The following ITPR3 variants were observed in gnomAD, a reference collection of about 807,000 sequenced individuals.
ITPR3 encodes the protein inositol 1,4,5-trisphosphate-gated calcium channel ITPR3.
Under a neutral mutation model 293.2 loss-of-function variants are expected in ITPR3, and 173 were observed. That is an observed-to-expected ratio of 0.59 (90% CI 0.52 to 0.67). The LOEUF (loss-of-function observed/expected upper bound fraction) is 0.67, where lower values mean the gene tolerates loss of function less well. Among genes scored for constraint, ITPR3 ranks in the 30% least tolerant of loss-of-function variants. ITPR3 has a pLI of 0.00. For missense variants in ITPR3, 2,796 were observed against 3,592.1 expected (o/e 0.78, Z 5.66); for synonymous variants, 1,295 against 1,444.4 (o/e 0.90, Z 2.35).
At chr6:33,671,112 C>T in intron 20 of ITPR3, 53 bp from the exon 21 acceptor site, 4 of 1,604,852 alleles carry the variant, frequency 2.5e-6, no homozygotes, top group Non-Finnish European at 1.7e-6. Flanking sequence ...CACGAAGCCC[C>T]GCCCCTACGC....
At chr6:33,659,670 C>A in intron 7 of ITPR3, 121 bp downstream of exon 7, 1 of 772,018 alleles carries the variant, frequency 1.3e-6, no homozygotes, top group Non-Finnish European at 2.2e-6. Context: ...GCTTTGCACC[C>A]CCCAGCCTCC....
At chr6:33,623,504 T>C (rs1384108275) in intron 1 of ITPR3, among the ~76,000 whole-genome samples, 1 of 151,890 alleles carries the variant, frequency 6.6e-6, no homozygotes, top group African/African-American at 2.4e-5. Context: ...TTTTGTATTT[T>C]TTTTGTAGAG....
rs1165058680 is a variant in ITPR3 at position 33,667,250 on chromosome 6, G to A, written c.1673G>A (p.Arg558His). 9 of 1,613,374 alleles carry A rather than the reference G, an allele frequency of 5.6e-6. No homozygotes were observed. Among genetic ancestry groups the A allele is most frequent in the Non-Finnish European group, 6.8e-6 (8 of 1,179,954 alleles). ...CAGCACATGTTCCGCCTGTGCTACCGCGTGTTGCGGCATTCCCAGGAGGAC... is the reference window on the plus strand; with the variant it reads ...CAGCACATGTTCCGCCTGTGCTACCACGTGTTGCGGCATTCCCAGGAGGAC... ...PYQHMFRLCYRVLRHSQEDYR... is the reference protein window; with the variant it reads ...PYQHMFRLCYHVLRHSQEDYR... The change falls in exon 15 of 58, where the codon CGC becomes CAC. Residue 558 changes from arginine (R) to histidine (H), a missense_variant. Coordinates refer to ENST00000605930, the MANE Select transcript of ITPR3 (RefSeq NM_002224.4). This position sits in a 1 kb window ranked among gnomAD's most constrained non-coding sequence, Gnocchi z 4.4.
In ITPR3 at chr6:33,655,117, A is replaced by C. The variant is rs1310091702; in HGVS notation, c.161-649A>C. On this transcript the variant is annotated intron_variant, in intron 2 of 57. Transcript: ENST00000605930. This position sits in a 1 kb window ranked among gnomAD's most constrained non-coding sequence, Gnocchi z 4.9. ...CTAGAAGCAGAGCCTAAGATGGGTGAATTCTTGAGGAAGTTCTCAGGAGAA... is the reference window on the plus strand; with the variant it reads ...CTAGAAGCAGAGCCTAAGATGGGTGCATTCTTGAGGAAGTTCTCAGGAGAA... 6.6e-6 allele frequency among the ~76,000 whole-genome samples: 1 copy of C among 152,230 alleles called. No individual in the cohort carries two copies. Among genetic ancestry groups the C allele is most frequent in the Non-Finnish European group, 1.5e-5 (1 of 68,036 alleles).
At position 33,687,951 on chromosome 6, in the gene ITPR3, G is replaced by A. The variant is rs2281917; in HGVS notation, c.6265-106G>A. Reference sequence around the variant, plus strand: ...CTGCTCTGGCTTGGCGGGGACACTCGCTGAAGTGTAGTTCAGAGCTAGGCG... The same window carrying A: ...CTGCTCTGGCTTGGCGGGGACACTCACTGAAGTGTAGTTCAGAGCTAGGCG... On this transcript the variant is annotated intron_variant, in intron 46 of 57. Coordinates refer to ENST00000605930, the MANE Select transcript of ITPR3 (RefSeq NM_002224.4). This position sits in a 1 kb window ranked among gnomAD's most constrained non-coding sequence, Gnocchi z 5.3. 5.8e-6 allele frequency: 5 copies of A among 866,760 alleles called. No individual in the cohort carries two copies. The highest frequency in any genetic ancestry group is 8.9e-6 in the Non-Finnish European group (5 of 558,694). 53.7% of individuals were successfully genotyped at this position (866,760 alleles called of 1,614,324 possible). A position where few individuals can be genotyped will look rare whatever the true frequency, so the allele number is the denominator to read the frequency against.
In ITPR3 at chr6:33,670,727, C is replaced by A; in HGVS notation, c.2498C>A (p.Thr833Asn). The change falls in exon 20 of 58, where the codon ACC (threonine) becomes AAC (asparagine). Residue 833 changes from threonine (T) to asparagine (N), a missense_variant. Physicochemically the swap from Thr to Asn is moderately conservative, Grantham distance 65. This residue lies in a region of ITPR3 where 955 missense variants were observed against 1,180.8 expected (regional missense o/e 0.81). Transcript: ENST00000605930. The surrounding 1 kb of genome is among the most constrained non-coding windows in gnomAD (Gnocchi z 6.7). Reference sequence around the variant, plus strand: ...GACAAGAAGAACAAGTTTGCCAACACCATGGAGTTCGTGGAGGACTACCTC... The same window carrying A: ...GACAAGAAGAACAAGTTTGCCAACAACATGGAGTTCGTGGAGGACTACCTC... Reference protein sequence around the residue: ...RDDKKNKFANTMEFVEDYLNN... With the variant: ...RDDKKNKFANNMEFVEDYLNN... 6.2e-7 allele frequency: 1 copy of A among 1,614,122 alleles called. No homozygotes were observed.
chr6:33,632,558 G>T lies in ITPR3; in HGVS notation c.90-7926G>T, dbSNP rs1018537655. Among the ~76,000 whole-genome samples, 1 of 152,274 alleles carries T rather than the reference G, an allele frequency of 6.6e-6. No homozygotes were observed. The highest frequency in any genetic ancestry group is 1.5e-5 in the Non-Finnish European group (1 of 68,018). On this transcript the variant is annotated intron_variant, in intron 1 of 57. Coordinates refer to ENST00000605930, the MANE Select transcript of ITPR3 (RefSeq NM_002224.4). The surrounding 1 kb of genome is among the most constrained non-coding windows in gnomAD (Gnocchi z 4.1). ...ATCAAGGTCTTGGGGTGTAGACCCC[G>T]TGGGCATTTCAGGGACTGTGCCCTC... is the stretch of plus-strand genomic sequence containing the variant.
At chr6:33,668,063 G>A in intron 16 of ITPR3, 99 bp downstream of exon 16, 1 of 1,355,316 alleles carries the variant, frequency 7.4e-7, no homozygotes, top group South Asian at 1.3e-5. Context: ...TGCACCTGTT[G>A]GTAACTGCCA....
At chr6:33,659,835 C>A (rs1393118852) in intron 7 of ITPR3, among the ~76,000 whole-genome samples, 2 of 152,156 alleles carry the variant, frequency 1.3e-5, no homozygotes, top group African/African-American at 4.8e-5. Flanking sequence ...GGGTCTCCAT[C>A]CCCCCACCAC....
At chr6:33,659,159 C>CCA (rs754269579) in intron 6 of ITPR3, 40 bp downstream of exon 6, 33 of 1,556,734 alleles carry the variant, frequency 2.1e-5, no homozygotes, top group Non-Finnish European at 2.5e-5. Flanking sequence ...GCAGGGACGT[C>CCA]CACACACCCC....
intron 51 of ITPR3, 48 bp from the exon 52 acceptor site, chr6:33,690,869 C>T (rs767135721): frequency 1.9e-5 from 29 of 1,561,634 alleles, no homozygotes; most frequent in Non-Finnish European, 2.2e-5. Flanking sequence ...TGAGAGTGGC[C>T]GGCCCAGCCC....
At position 33,671,265 on chromosome 6, in the gene ITPR3, AG is replaced by A; in HGVS notation, c.2691del (p.Pro899ArgfsTer25). ...CTGCTGGGCATCATCGACTGTGTGC[AG>A]GGGCCCCCGGCCATGCTGCAGGCCT... ...RTLLGIIDCV[Q>X]GPPAMLQAYE... On this transcript the variant is annotated frameshift_variant, in exon 21 of 58. Coordinates refer to ENST00000605930, the MANE Select transcript of ITPR3 (RefSeq NM_002224.4). LOFTEE classifies it high-confidence loss of function. 1.2e-6 allele frequency: 2 copies of A among 1,613,638 alleles called. No individual in the cohort carries two copies. Among genetic ancestry groups the A allele is most frequent in the Non-Finnish European group, 1.7e-6 (2 of 1,179,972 alleles).
At chr6:33,676,116 G>A (rs1314230819) in intron 25 of ITPR3, among the ~76,000 whole-genome samples, 2 of 152,274 alleles carry the variant, frequency 1.3e-5, no homozygotes, top group African/African-American at 4.8e-5. Flanking sequence ...ATCATGCCTA[G>A]CATGCAGACA....
In ITPR3 at chr6:33,691,130, T is replaced by C; in HGVS notation, c.7225+21T>C. On this transcript the variant is annotated intron_variant, in intron 52 of 57. Transcript: ENST00000605930. This position sits in a 1 kb window ranked among gnomAD's most constrained non-coding sequence, Gnocchi z 4.9. ...CACAGGTCTTGGAGGCTTCCTCTCC[T>C]GGGCAGGTTGTGGGGAATGAGGTTG... 6.2e-7 allele frequency: 1 copy of C among 1,612,332 alleles called. No individual in the cohort carries two copies. The highest frequency in any genetic ancestry group is 8.5e-7 in the Non-Finnish European group (1 of 1,178,586).
chr6:33,689,998 A>AG (rs1765346479), intron 50 of ITPR3, 36 bp from the exon 51 acceptor site: 1 of 1,612,406 alleles, frequency 6.2e-7, no homozygotes, highest in East Asian at 2.2e-5. Flanking sequence ...CATAGGTGGT[A>AG]GGGTGCTGAC....
chr6:33,680,261 G>A (rs1461788427), intron 31 of ITPR3, 68 bp from the exon 32 acceptor site: 3 of 1,583,272 alleles, frequency 1.9e-6, no homozygotes, highest in Middle Eastern at 1.8e-4. Context: ...GGGGACAGGA[G>A]CATTGTGGCA....
rs1342575712 is a variant in ITPR3 at position 33,654,034 on chromosome 6, G to A, written c.161-1732G>A. Among the ~76,000 whole-genome samples the A allele has an allele frequency of 6.6e-6, 1 of 152,198 alleles. No homozygotes were observed. The highest frequency in any genetic ancestry group is 6.5e-5 in the Admixed American group (1 of 15,276). ...TGTAATCCCAGCACTTTTGTAGGCC[G>A]AAGTGGGTGGATCACTTGAGGTCAG... On this transcript the variant is annotated intron_variant, in intron 2 of 57. Coordinates refer to ENST00000605930, the MANE Select transcript of ITPR3 (RefSeq NM_002224.4). This position sits in a 1 kb window ranked among gnomAD's most constrained non-coding sequence, Gnocchi z 4.1.
Position 33,629,771 on chromosome 6 carries a change from C to T in ITPR3, c.89+8080C>T, listed in dbSNP as rs559986051. On this transcript the variant is annotated intron_variant, in intron 1 of 57. Transcript: ENST00000605930. ...TTGGGATTACAGGCGTGAGCCACCA[C>T]GCCGGGCCTGACCATTGGTTTCTTT... Among the ~76,000 whole-genome samples the T allele has an allele frequency of 1.8e-4, 27 of 151,984 alleles. No individual in the cohort carries two copies. The East Asian group carries it at 1.8e-3, about 10-fold the overall frequency.
rs1561875886 is a variant in ITPR3 at position 33,680,538 on chromosome 6, C to G, written c.4351-17C>G. 6.2e-7 allele frequency: 1 copy of G among 1,612,754 alleles called. No homozygotes were observed. Among genetic ancestry groups the G allele is most frequent in the Non-Finnish European group, 8.5e-7 (1 of 1,179,210 alleles). ...CCCATGTGAGGAGCCCCCAGCCATC[C>G]CTCTCTCCTGCCTCAGGTCTGCAGC... On this transcript the variant is annotated splice_polypyrimidine_tract_variant and intron_variant, in intron 32 of 57. Transcript: ENST00000605930.
Sources: allele counts gnomAD v4.1 joint callset (sites outside exome capture counted in the v4.1 genomes callset), GRCh38; gene constraint gnomAD v4.1.1; regional missense constraint gnomAD v4.1.1; non-coding constraint Gnocchi (gnomAD v3.1); transcripts MANE v1.5; gene names NCBI Gene and HGNC (gene_info 2026-07-23, HGNC 2026-07-21).